Variants in DENND1B observed in about 807,000 individuals in gnomAD.
The protein encoded by DENND1B is DENN domain-containing protein 1B.
Under a neutral mutation model 90.1 loss-of-function variants are expected in DENND1B, and 59 were observed. The ratio of observed to expected loss-of-function variants is 0.65; its 90% CI spans 0.53 to 0.81. The LOEUF (loss-of-function observed/expected upper bound fraction) is 0.81, where lower values mean the gene tolerates loss of function less well. Ranked by LOEUF, DENND1B falls within the 40% of genes least tolerant of loss-of-function variation. The pLI, the probability that DENND1B is intolerant of heterozygous loss-of-function variation, is 0.00. For synonymous variants in DENND1B, 337 were observed against 324.6 expected (o/e 1.04, Z -0.41); for missense variants, 862 against 912.6 (o/e 0.94, Z 0.71).
At position 197,658,292 on chromosome 1, in the gene DENND1B, T is replaced by C; in HGVS notation, c.366+8A>G. ...CCACAATTTAAAAATGGGGAAAAAA[T>C]AGCTTACCAGTTCCTTAGCCAAGTA... On this transcript the variant is annotated splice_region_variant and intron_variant, in intron 6 of 22. Coordinates refer to ENST00000620048, the MANE Select transcript of DENND1B (RefSeq NM_001195215.2). The C allele has an allele frequency of 6.2e-6, 10 of 1,602,068 alleles. No homozygotes were observed. Among genetic ancestry groups the C allele is most frequent in the African/African-American group, 1.3e-5 (1 of 74,650 alleles).
At chr1:197,631,377 A>G (rs1679308759) in intron 10 of DENND1B, among the ~76,000 whole-genome samples, 1 of 152,182 alleles carries the variant, frequency 6.6e-6, no homozygotes, top group East Asian at 1.9e-4. Flanking sequence ...AAAAGAAATT[A>G]GATGAATTAT....
At chr1:197,696,767 T>G (rs563625403) in intron 3 of DENND1B, among the ~76,000 whole-genome samples, 4 of 151,394 alleles carry the variant, frequency 2.6e-5, no homozygotes, top group South Asian at 2.1e-4. Flanking sequence ...CAACTAGCCG[T>G]TCAAAAACAC....
intron 20 of DENND1B, among the ~76,000 whole-genome samples, chr1:197,529,203 GATATATATATATATATATATATATATAT>G (rs71131771): frequency 1.0e-4 from 12 of 117,370 alleles, no homozygotes; most frequent in African/African-American, 3.1e-4. Flanking sequence ...AGTTAAGAGT[GATATATATATATATATATATATATATAT>G]ATATATATAT....
At chr1:197,750,573 GATAGA>G (rs1653342689) in intron 2 of DENND1B, among the ~76,000 whole-genome samples, 1 of 78,606 alleles carries the variant, frequency 1.3e-5, no homozygotes, top group East Asian at 4.4e-4. Flanking sequence ...AGCAAACCTA[GATAGA>G]TAGATAGATA....
chr1:197,781,635 G>A, the DENND1B span, among the ~76,000 whole-genome samples: 2 of 152,266 alleles, frequency 1.3e-5, no homozygotes, highest in South Asian at 4.1e-4. Flanking sequence ...AGAAGATGGA[G>A]GTGGGGATTC....
chr1:197,510,888 C>A lies in DENND1B; in HGVS notation c.1900G>T (p.Asp634Tyr). 6.2e-7 allele frequency: 1 copy of A among 1,607,348 alleles called. No individual in the cohort carries two copies. The highest frequency in any genetic ancestry group is 1.7e-5 in the Admixed American group (1 of 59,122). Reference sequence around the variant, plus strand: ...TGTTTGCCATGGAGGGCACTATCGTCTTGCCCAAGATTCCACTCTGCTTGG... The same window carrying A: ...TGTTTGCCATGGAGGGCACTATCGTATTGCCCAAGATTCCACTCTGCTTGG... ...GDQAEWNLGQ[D>Y]DSALHGKHLP... is the part of the protein sequence containing the mutation. The change falls in exon 23 of 23, where the codon GAC becomes TAC. Residue 634 changes from aspartate (D) to tyrosine (Y), a missense_variant. Coordinates refer to ENST00000620048, the MANE Select transcript of DENND1B (RefSeq NM_001195215.2).
At chr1:197,627,940 AT>A (rs1275281508) in intron 10 of DENND1B, among the ~76,000 whole-genome samples, 1 of 152,132 alleles carries the variant, frequency 6.6e-6, no homozygotes, top group Non-Finnish European at 1.5e-5. Context: ...TTCAAAGAGA[AT>A]AAAATACCTA....
chr1:197,722,998 A>C (rs1433695023), intron 2 of DENND1B, among the ~76,000 whole-genome samples: 1 of 152,190 alleles, frequency 6.6e-6, no homozygotes, highest in African/African-American at 2.4e-5. Flanking sequence ...TTTGAAACTC[A>C]AACCTTAAAA....
intron 2 of DENND1B, among the ~76,000 whole-genome samples, chr1:197,755,954 T>C (rs904006381): frequency 6.6e-6 from 1 of 152,220 alleles, no homozygotes; most frequent in Non-Finnish European, 1.5e-5. Flanking sequence ...AGATGAGATT[T>C]GGGTGGGAAC....
chr1:197,577,043 C>T (rs1240732665), intron 15 of DENND1B, among the ~76,000 whole-genome samples: 1 of 151,814 alleles, frequency 6.6e-6, no homozygotes, highest in African/African-American at 2.4e-5. Flanking sequence ...TTCAATCAGA[C>T]TGCATGAATA....
intron 15 of DENND1B, among the ~76,000 whole-genome samples, chr1:197,576,327 C>T (rs1673684337): frequency 1.3e-5 from 2 of 151,926 alleles, no homozygotes; most frequent in Admixed American, 1.3e-4. Context: ...CAAAGAGGCA[C>T]CAAGCACCTT....
At chr1:197,714,760 A>G (rs765652389) in intron 3 of DENND1B, among the ~76,000 whole-genome samples, 19 of 152,130 alleles carry the variant, frequency 1.2e-4, no homozygotes, top group Non-Finnish European at 2.1e-4. Context: ...CTATAGATAA[A>G]TTAAACAAGT....
At chr1:197,672,222 A>C (rs1655583711) in intron 4 of DENND1B, 66 bp from the exon 5 acceptor site, 1 of 1,515,776 alleles carries the variant, frequency 6.6e-7, no homozygotes, top group South Asian at 1.3e-5. Flanking sequence ...AAAAACAAAA[A>C]TAAGAGTATA....
At chr1:197,552,645 T>C (rs1671334740) in intron 16 of DENND1B, 3 of 1,010,502 alleles carry the variant, frequency 3.0e-6, no homozygotes, top group Non-Finnish European at 2.4e-6. Context: ...TTACCAATCA[T>C]AACCTCAGTT....
At chr1:197,630,961 C>T (rs1679271413) in intron 10 of DENND1B, among the ~76,000 whole-genome samples, 1 of 152,140 alleles carries the variant, frequency 6.6e-6, no homozygotes, top group Non-Finnish European at 1.5e-5. Context: ...GATTTCTGTG[C>T]TATCACATTA....
intron 2 of DENND1B, among the ~76,000 whole-genome samples, chr1:197,727,231 C>G (rs1205325114): frequency 1.3e-5 from 2 of 152,064 alleles, no homozygotes; most frequent in Non-Finnish European, 2.9e-5. Flanking sequence ...AATTTTCACC[C>G]ATTTTTCTTA....
upstream of DENND1B, among the ~76,000 whole-genome samples, chr1:197,776,299 G>A (rs1657265176): frequency 6.6e-6 from 1 of 152,184 alleles, no homozygotes; most frequent in Non-Finnish European, 1.5e-5. Flanking sequence ...AGGGAGTAAT[G>A]GCAAAGCTGG....
At chr1:197,770,722 CTATAAATATATATAAATATAT>C (rs1454779227) in intron 2 of DENND1B, among the ~76,000 whole-genome samples, 4 of 126,626 alleles carry the variant, frequency 3.2e-5, no homozygotes, top group Admixed American at 8.4e-5. Context: ...AAATATATAT[CTATAAATATATATAAATATAT>C]ATATCTATAA....
chr1:197,592,503 T>G, intron 14 of DENND1B, among the ~76,000 whole-genome samples: 1 of 152,162 alleles, frequency 6.6e-6, no homozygotes, highest in East Asian at 1.9e-4. Context: ...GTATAATTAA[T>G]TCATAGAAAG....
Sources: allele counts gnomAD v4.1 joint callset (sites outside exome capture counted in the v4.1 genomes callset), GRCh38; gene constraint gnomAD v4.1.1; transcripts MANE v1.5; gene names NCBI Gene and HGNC (gene_info 2026-07-23, HGNC 2026-07-21).